The following RCHY1 variants were observed in gnomAD, a reference collection of about 807,000 sequenced individuals.
The protein encoded by RCHY1 is RING finger and CHY zinc finger domain-containing protein 1.
Under a neutral mutation model 41.6 loss-of-function variants are expected in RCHY1, and 21 were observed. That is an observed-to-expected ratio of 0.51 (90% CI 0.36 to 0.73). The LOEUF (loss-of-function observed/expected upper bound fraction) is 0.73. RCHY1 is among the 30% of genes least tolerant of loss of function. RCHY1 has a pLI of 0.00. For missense variants in RCHY1, 265 were observed against 325.3 expected, an observed-to-expected ratio of 0.81 and a Z score of 1.43; for synonymous variants, 79 against 102.9, an observed-to-expected ratio of 0.77 and a Z score of 1.41.
chr4:75,505,602 G>A (rs1724221843), intron 3 of RCHY1, among the ~76,000 whole-genome samples: 1 of 151,432 alleles, frequency 6.6e-6, no homozygotes, highest in African/African-American at 2.4e-5. Flanking sequence ...TAGAAACAGA[G>A]CTCAGTAAAA....
At chr4:75,497,530 C>T (rs867473269) in intron 3 of RCHY1, among the ~76,000 whole-genome samples, 4 of 152,104 alleles carry the variant, frequency 2.6e-5, no homozygotes, top group South Asian at 2.1e-4. Flanking sequence ...TTGGTCTGAA[C>T]CTATTATCAT....
intron 1 of RCHY1, among the ~76,000 whole-genome samples, chr4:75,510,583 C>G (rs930711543): frequency 3.9e-5 from 6 of 152,116 alleles, no homozygotes; most frequent in African/African-American, 1.4e-4. Flanking sequence ...TTCCAATAAC[C>G]TTGTCCTCCA....
At chr4:75,514,485 C>G, upstream of RCHY1, 1 of 545,076 alleles carries the variant, frequency 1.8e-6, no homozygotes, top group Non-Finnish European at 3.2e-6. Context: ...ACGCAGTCTC[C>G]GTCGTTGACG....
At chr4:75,486,431 T>C (rs1169066453) in intron 8 of RCHY1, among the ~76,000 whole-genome samples, 1 of 151,906 alleles carries the variant, frequency 6.6e-6, no homozygotes, top group East Asian at 1.9e-4. Flanking sequence ...CTTATTTTTA[T>C]ATAGTATAGA....
chr4:75,513,978 A>G, intron 1 of RCHY1: 1 of 587,474 alleles, frequency 1.7e-6, no homozygotes. Flanking sequence ...ATCACTTCCC[A>G]AGAAGGGTTT....
chr4:75,492,056 T>C (rs931133600), intron 4 of RCHY1, 123 bp from the exon 5 acceptor site: 1 of 635,202 alleles, frequency 1.6e-6, no homozygotes, highest in Non-Finnish European at 2.6e-6. Context: ...CATTAATATA[T>C]GCTTTTTATA....
chr4:75,506,727 C>G (rs954952563), intron 3 of RCHY1, among the ~76,000 whole-genome samples: 3 of 151,278 alleles, frequency 2.0e-5, no homozygotes, highest in African/African-American at 7.3e-5. Flanking sequence ...GAAACATTAT[C>G]TGAAGAGAAA....
At chr4:75,510,163 C>T (rs1174298752) in intron 1 of RCHY1, among the ~76,000 whole-genome samples, 7 of 152,080 alleles carry the variant, frequency 4.6e-5, no homozygotes, top group South Asian at 2.1e-4. Context: ...AAAATCTATC[C>T]TCTCCTTCCT....
intron 3 of RCHY1, among the ~76,000 whole-genome samples, chr4:75,498,152 CG>C (rs1723399485): frequency 6.8e-6 from 1 of 147,556 alleles, no homozygotes; most frequent in Non-Finnish European, 1.5e-5. Context: ...AAAGAGAAGA[CG>C]TAAGAACTCA....
intron 8 of RCHY1, among the ~76,000 whole-genome samples, chr4:75,486,589 G>C (rs528108445): frequency 1.3e-5 from 2 of 151,966 alleles, no homozygotes; most frequent in Non-Finnish European, 1.5e-5. Flanking sequence ...GGATTACTAA[G>C]AGTTAAAACT....
Position 75,480,109 on chromosome 4 carries a change from G to A in RCHY1, c.*2429C>T, listed in dbSNP as rs539056051. The A allele has an allele frequency of 5.9e-5, 9 of 152,264 alleles. No homozygotes were observed. In the East Asian group the frequency reaches 7.7e-4, roughly 13 times the overall value. 9.4% of individuals were successfully genotyped at this position (152,264 alleles called of 1,614,324 possible). A position where few individuals can be genotyped will look rare whatever the true frequency, so the allele number is the denominator to read the frequency against. ...GAAGGATTTTAATCATCGAGTTGACGTGTCATGAACAAATACTTGAAGCAA... is the reference window on the plus strand; with the variant it reads ...GAAGGATTTTAATCATCGAGTTGACATGTCATGAACAAATACTTGAAGCAA... On this transcript the variant is annotated 3_prime_UTR_variant, in exon 9 of 9. Transcript: ENST00000324439.
chr4:75,514,353 G>A lies in RCHY1; in HGVS notation c.-67C>T. 8 of 1,541,304 alleles carry A rather than the reference G, an allele frequency of 5.2e-6. No individual in the cohort carries two copies. Among genetic ancestry groups the A allele is most frequent in the Non-Finnish European group, 7.1e-6 (8 of 1,130,020 alleles). ...GATAAAAACCACGCCCAGAGAAGCT[G>A]CGCCTCTCTAGCACACCCCTCCCAG... On this transcript the variant is annotated 5_prime_UTR_variant, in exon 1 of 9. Coordinates refer to ENST00000324439, the MANE Select transcript of RCHY1 (RefSeq NM_015436.4).
intron 3 of RCHY1, among the ~76,000 whole-genome samples, chr4:75,500,095 T>G (rs1416476579): frequency 6.6e-6 from 1 of 152,142 alleles, no homozygotes; most frequent in Non-Finnish European, 1.5e-5. Flanking sequence ...GAGTCATGAT[T>G]GTGCGATTGC....
Position 75,481,332 on chromosome 4 carries a change from T to C in RCHY1, c.*1206A>G, listed in dbSNP as rs1465708258. ...AGTTGGAAATACAACTGGTGCTCAATAGGTACTTATCAACTGATAAATGTA... is the reference window on the plus strand; with the variant it reads ...AGTTGGAAATACAACTGGTGCTCAACAGGTACTTATCAACTGATAAATGTA... On this transcript the variant is annotated 3_prime_UTR_variant, in exon 9 of 9. Coordinates refer to ENST00000324439, the MANE Select transcript of RCHY1 (RefSeq NM_015436.4). 1 of 152,236 alleles carries C rather than the reference T, an allele frequency of 6.6e-6. No individual in the cohort carries two copies. The highest frequency in any genetic ancestry group is 1.5e-5 in the Non-Finnish European group (1 of 68,040). 9.4% of individuals were successfully genotyped at this position (152,236 alleles called of 1,614,324 possible). A position where few individuals can be genotyped will look rare whatever the true frequency, so the allele number is the denominator to read the frequency against.
upstream of RCHY1, chr4:75,514,531 T>A (rs1483466814): frequency 7.1e-6 from 3 of 422,144 alleles, no homozygotes; most frequent in African/African-American, 4.0e-5. Context: ...GTAATAACTC[T>A]TAGGTTGCCT....
rs554357726 is a variant in RCHY1, at chr4:75,488,568, T to C, written c.657+2013A>G. On this transcript the variant is annotated intron_variant, in intron 8 of 8. Transcript: ENST00000324439. Reference sequence around the variant, plus strand: ...ATACCAAGAAAATACTTTGCCAGATTTTCACACTAAAGCAGCCAGTACTGA... The same window carrying C: ...ATACCAAGAAAATACTTTGCCAGATCTTCACACTAAAGCAGCCAGTACTGA... Among the ~76,000 whole-genome samples, 31 of 152,246 alleles carry C rather than the reference T, an allele frequency of 2.0e-4. 1 individual carries two copies. In the South Asian group the frequency reaches 5.8e-3, roughly 29 times the overall value.
chr4:75,491,401 CAAGATTTAAGAG>C, intron 7 of RCHY1, 198 bp downstream of exon 7: 1 of 415,092 alleles, frequency 2.4e-6, no homozygotes, highest in Non-Finnish European at 4.3e-6. Flanking sequence ...TGGGAGGAGA[CAAGATTTAAGAG>C]AAACATATGG....
chr4:75,505,994 A>C (rs933507507), intron 3 of RCHY1, among the ~76,000 whole-genome samples: 48 of 152,062 alleles, frequency 3.2e-4, no homozygotes, highest in African/African-American at 1.1e-3. Flanking sequence ...AGGGGGCCAA[A>C]ATTTGGAGTC....
intron 8 of RCHY1, among the ~76,000 whole-genome samples, chr4:75,488,684 T>G (rs1290159506): frequency 6.6e-6 from 1 of 152,142 alleles, no homozygotes; most frequent in East Asian, 1.9e-4. Context: ...AACCTGGTAT[T>G]TAAGAGGACA....
Sources: allele counts gnomAD v4.1 joint callset (sites outside exome capture counted in the v4.1 genomes callset), GRCh38; gene constraint gnomAD v4.1.1; transcripts MANE v1.5; gene names NCBI Gene and HGNC (gene_info 2026-07-23, HGNC 2026-07-21).